Variants in SMG1 observed in about 807,000 individuals in gnomAD.
The protein encoded by SMG1 is serine/threonine-protein kinase SMG1.
SMG1 carries 22 observed loss-of-function variants against 419.9 expected under a neutral mutation model. That is an observed-to-expected ratio of 0.05 (90% CI 0.04 to 0.07). The LOEUF is 0.07. SMG1 is among the 10% of genes least tolerant of loss of function. SMG1 has a pLI of 1.00. For missense variants in SMG1, 3,185 were observed against 4,342.0 expected, an observed-to-expected ratio of 0.73 and a Z score of 7.49; for synonymous variants, 1,538 against 1,553.5, an observed-to-expected ratio of 0.99 and a Z score of 0.23.
At chr16:18,838,772 C>G (rs1447998057) in intron 42 of SMG1, 83 bp from the exon 43 acceptor site, 2 of 886,962 alleles carry the variant, frequency 2.3e-6, no homozygotes, top group Non-Finnish European at 1.8e-6. Flanking sequence ...ATAAAATTTA[C>G]AAAGCACCAT....
At chr16:18,814,073 T>TAAAAAAAAAAAAAAAAAAAA in intron 60 of SMG1, among the ~76,000 whole-genome samples, 1 of 124,738 alleles carries the variant, frequency 8.0e-6, no homozygotes, top group Admixed American at 8.0e-5. Context: ...AAAAATAAAA[T>TAAAAAAAAAAAAAAAAAAAA]AAAATAAAAA....
chr16:18,853,475 G>T, intron 31 of SMG1, 108 bp downstream of exon 31: 2 of 1,003,738 alleles, frequency 2.0e-6, no homozygotes, highest in Non-Finnish European at 1.4e-6. Context: ...AACTTCCACA[G>T]ATATACTTTT....
chr16:18,808,820 GA>G lies in SMG1; in HGVS notation c.*748del, dbSNP rs1013653876. The G allele has an allele frequency of 1.3e-5, 2 of 152,532 alleles. No individual in the cohort carries two copies. The highest frequency in any genetic ancestry group is 4.8e-5 in the African/African-American group (2 of 41,396). The allele number at this position is 152,532 out of a possible 1,614,324, so 9.4% of individuals were successfully genotyped here. A position where few individuals can be genotyped will look rare whatever the true frequency, so the allele number is the denominator to read the frequency against. On this transcript the variant is annotated 3_prime_UTR_variant, in exon 63 of 63. Coordinates refer to ENST00000446231, the MANE Select transcript of SMG1 (RefSeq NM_015092.5). ...AGAAGTTGTTAACAGCATCGAGACG[GA>G]AGTATATGAAATATAAGGACTGAAA...
chr16:18,861,786 AAAAC>A (rs1394739182), intron 25 of SMG1, among the ~76,000 whole-genome samples: 2 of 151,894 alleles, frequency 1.3e-5, no homozygotes, highest in Non-Finnish European at 2.9e-5. Flanking sequence ...AGTCCTCAGA[AAAAC>A]AAACAAATAA....
At chr16:18,869,389 G>C in intron 19 of SMG1, 86 bp from the exon 20 acceptor site, 2 of 1,189,522 alleles carry the variant, frequency 1.7e-6, no homozygotes, top group South Asian at 1.4e-5. Flanking sequence ...TAGGAATAAG[G>C]AACTGTAATT....
At chr16:18,851,284 G>A (rs2034574981) in intron 33 of SMG1, among the ~76,000 whole-genome samples, 1 of 152,190 alleles carries the variant, frequency 6.6e-6, no homozygotes, top group African/African-American at 2.4e-5. Flanking sequence ...ATATTGCTTT[G>A]GCATTCTAGA....
chr16:18,853,731 T>A lies in SMG1; in HGVS notation c.4620A>T (p.Ser1540=). Residue 1540 remains serine (S), a synonymous_variant, in exon 31 of 63, where the codon TCA becomes TCT. Transcript: ENST00000446231. ...KWIQAEWKEI[S]GQLKQVYRAQ... ...CTCTGTAAACCTGTTTCAGCTGTCC[T>A]GAAATCTCTTTCCATTCTGCCTGGA... The A allele has an allele frequency of 6.2e-7, 1 of 1,614,006 alleles. No homozygotes were observed. Among genetic ancestry groups the A allele is most frequent in the African/African-American group, 1.3e-5 (1 of 75,074 alleles).
intron 29 of SMG1, among the ~76,000 whole-genome samples, chr16:18,855,965 C>T (rs1463084737): frequency 2.0e-5 from 3 of 152,142 alleles, no homozygotes; most frequent in Admixed American, 6.5e-5. Context: ...TCTCATCCAG[C>T]GCTCCACCTC....
At position 18,809,704 on chromosome 16, in the gene SMG1, G is replaced by A. The variant is rs1306918490; in HGVS notation, c.10909-58C>T. On this transcript the variant is annotated intron_variant, in intron 62 of 62. Coordinates refer to ENST00000446231, the MANE Select transcript of SMG1 (RefSeq NM_015092.5). ...ATTTAAAGCTTTTCAATTGTCTGCTGAATTACAATCAGCAGACAAATTATG... is the reference window on the plus strand; with the variant it reads ...ATTTAAAGCTTTTCAATTGTCTGCTAAATTACAATCAGCAGACAAATTATG... The A allele has an allele frequency of 3.7e-6, 5 of 1,362,854 alleles. No homozygotes were observed. The East Asian group carries it at 9.8e-5, about 27-fold the overall frequency. The allele number at this position is 1,362,854 out of a possible 1,614,324, so 84.4% of individuals were successfully genotyped here. A position where few individuals can be genotyped will look rare whatever the true frequency, so the allele number is the denominator to read the frequency against.
At chr16:18,873,243 GTCTCTTGC>G (rs1402822277) in intron 13 of SMG1, among the ~76,000 whole-genome samples, 1 of 152,072 alleles carries the variant, frequency 6.6e-6, no homozygotes, top group Non-Finnish European at 1.5e-5. Context: ...TTGAGTCAGA[GTCTCTTGC>G]TCTGTTGCCC....
intron 39 of SMG1, among the ~76,000 whole-genome samples, chr16:18,844,094 C>T (rs1293317425): frequency 6.6e-6 from 1 of 151,392 alleles, no homozygotes; most frequent in Non-Finnish European, 1.5e-5. Flanking sequence ...ATTTGATTTA[C>T]TGAAAGGGAA....
rs766273844 is a variant in SMG1, at chr16:18,896,818, G to A, written c.231C>T (p.His77=). ...SRQRHDDTRV[H]ADIQNDEKGG... ...CCTTTTCGTCATTCTGTATGTCAGC[G>A]TGGACTCTGGTATCATCGTGCCTTT... Residue 77 remains histidine (H), a synonymous_variant, in exon 2 of 63, where the codon CAC becomes CAT. Transcript: ENST00000446231. The A allele has an allele frequency of 1.3e-5, 21 of 1,608,012 alleles. No homozygotes were observed. The East Asian group carries it at 2.5e-4, about 19-fold the overall frequency.
chr16:18,870,692 C>T lies in SMG1; in HGVS notation c.2410G>A (p.Val804Ile). 1 of 1,608,472 alleles carries T rather than the reference C, an allele frequency of 6.2e-7. No individual in the cohort carries two copies. Among genetic ancestry groups the T allele is most frequent in the Non-Finnish European group, 8.5e-7 (1 of 1,178,146 alleles). ...CGAGTTCCACTGTGCACTAGTTGAA[C>T]ACGGCAAACATCGACACATCTATGA... ...LLQRCVDVCR[V>I]QLVHSGTRIR... Residue 804 changes from valine to isoleucine, a missense_variant, in exon 18 of 63, where the codon GTT becomes ATT. Physicochemically the swap from Val to Ile is conservative, Grantham distance 29. Coordinates refer to ENST00000446231, the MANE Select transcript of SMG1 (RefSeq NM_015092.5).
chr16:18,896,296 C>T, intron 2 of SMG1, 89 bp from the exon 3 acceptor site: 1 of 1,254,800 alleles, frequency 8.0e-7, no homozygotes, highest in Non-Finnish European at 1.2e-6. Flanking sequence ...ATTACTCAAT[C>T]TGCAGCTCAA....
Position 18,868,652 on chromosome 16 carries a change from T to C in SMG1, c.2901A>G (p.Ala967=). ...PDQDVSQWTT[A]DNDEGHGNNQ... The stretch of plus-strand genomic sequence containing the variant: ...TGTTACCATGGCCTTCATCATTGTC[T>C]GCAGTTGTCCACTGACTAACATCCT... The change falls in exon 21 of 63, where the codon GCA becomes GCG. Residue 967 remains alanine (A), a synonymous_variant. Coordinates refer to ENST00000446231, the MANE Select transcript of SMG1 (RefSeq NM_015092.5). 1.9e-6 allele frequency: 3 copies of C among 1,572,830 alleles called. No individual in the cohort carries two copies. Among genetic ancestry groups the C allele is most frequent in the Non-Finnish European group, 2.6e-6 (3 of 1,157,432 alleles).
chr16:18,915,685 G>A (rs1305943772), intron 1 of SMG1, among the ~76,000 whole-genome samples: 1 of 152,116 alleles, frequency 6.6e-6, no homozygotes, highest in Admixed American at 6.5e-5. Flanking sequence ...GCAGGAATGG[G>A]TGTCATAGTG....
At chr16:18,924,569 A>G (rs1411169597) in intron 1 of SMG1, among the ~76,000 whole-genome samples, 1 of 152,254 alleles carries the variant, frequency 6.6e-6, no homozygotes. Flanking sequence ...CATGTCAATC[A>G]TAGAAAAAAA....
In SMG1 at chr16:18,836,384, C is replaced by G. The variant is rs565749669; in HGVS notation, c.7753G>C (p.Glu2585Gln). The G allele has an allele frequency of 2.5e-6, 4 of 1,613,900 alleles. No homozygotes were observed. The South Asian group carries it at 3.3e-5, about 13-fold the overall frequency. Residue 2585 changes from glutamate (E) to glutamine (Q), a missense_variant, in exon 47 of 63, where the codon GAG becomes CAG. Physicochemically the swap from Glu to Gln is conservative, Grantham distance 29. This residue lies in a region of SMG1 where 412 missense variants were observed against 546.6 expected (regional missense o/e 0.75). Transcript: ENST00000446231. ...CCAAGGTCCATTTGTGTGCTTATCT[C>G]TTGAAGCAAGCTTGCAAGCTGTGTT... ...EATQLASLLQ[E>Q]ISTQMDLGPP... is the part of the protein sequence containing the mutation.
chr16:18,886,319 TG>T (rs2036609942), intron 6 of SMG1, among the ~76,000 whole-genome samples: 1 of 152,092 alleles, frequency 6.6e-6, no homozygotes, highest in Admixed American at 6.6e-5. Flanking sequence ...ATAAATAACA[TG>T]CAGGCTCAGG....
Sources: allele counts gnomAD v4.1 joint callset (sites outside exome capture counted in the v4.1 genomes callset), GRCh38; gene constraint gnomAD v4.1.1; regional missense constraint gnomAD v4.1.1; transcripts MANE v1.5; gene names NCBI Gene and HGNC (gene_info 2026-07-23, HGNC 2026-07-21).